The following TNFSF11 variants were observed in gnomAD, a reference collection of about 807,000 sequenced individuals.
TNFSF11 encodes TNF superfamily member 11.
A neutral mutation model predicts 32.2 loss-of-function variants in TNFSF11; 12 were observed. The observed-to-expected ratio is 0.37, with a 90% CI of 0.24 to 0.60. The LOEUF (loss-of-function observed/expected upper bound fraction) is 0.60, where lower values mean the gene tolerates loss of function less well. Among genes scored for constraint, TNFSF11 ranks in the 20% least tolerant of loss-of-function variants. TNFSF11 has a pLI of 0.66. For synonymous variants in TNFSF11, 172 were observed against 152.1 expected (o/e 1.13, Z -0.96); for missense variants, 345 against 398.0 (o/e 0.87, Z 1.13).
At chr13:42,592,824 G>A (rs1156750653) in intron 2 of TNFSF11, among the ~76,000 whole-genome samples, 1 of 152,246 alleles carries the variant, frequency 6.6e-6, no homozygotes, top group East Asian at 1.9e-4. Flanking sequence ...CATGAGATCT[G>A]ATGGTTTTAT....
intron 2 of TNFSF11, among the ~76,000 whole-genome samples, chr13:42,594,700 T>C (rs1868703125): frequency 6.6e-6 from 1 of 152,192 alleles, no homozygotes; most frequent in Admixed American, 6.5e-5. Context: ...CTCCTTAAGT[T>C]TGGCAAATAT....
At chr13:42,580,475 AT>A in intron 1 of TNFSF11, among the ~76,000 whole-genome samples, 1 of 152,278 alleles carries the variant, frequency 6.6e-6, no homozygotes, top group East Asian at 1.9e-4. Context: ...ACCTGCATCC[AT>A]TCCCAAACAC....
At chr13:42,593,183 T>C (rs372157419) in intron 2 of TNFSF11, among the ~76,000 whole-genome samples, 9 of 152,344 alleles carry the variant, frequency 5.9e-5, no homozygotes, top group African/African-American at 1.9e-4. Context: ...AGGATGCTTC[T>C]GTGACACCTG....
At chr13:42,580,402 A>G (rs772620594) in intron 1 of TNFSF11, among the ~76,000 whole-genome samples, 3 of 152,200 alleles carry the variant, frequency 2.0e-5, no homozygotes, top group East Asian at 1.9e-4. Context: ...GCATCCCTCC[A>G]GCACACGTCT....
intron 1 of TNFSF11, 111 bp downstream of exon 1, chr13:42,574,633 C>T (rs1873218847): frequency 1.5e-6 from 2 of 1,329,522 alleles, no homozygotes; most frequent in Middle Eastern, 2.5e-4. Flanking sequence ...TTGCATATTC[C>T]GGAAGGGAAA....
intron 2 of TNFSF11, among the ~76,000 whole-genome samples, chr13:42,589,271 C>G (rs560246899): frequency 6.6e-6 from 1 of 152,226 alleles, no homozygotes; most frequent in South Asian, 2.1e-4. Context: ...CACCTCTCCC[C>G]CATCCTGTGA....
At chr13:42,584,733 G>T (rs1323632459) in intron 2 of TNFSF11, among the ~76,000 whole-genome samples, 1 of 152,196 alleles carries the variant, frequency 6.6e-6, no homozygotes, top group African/African-American at 2.4e-5. Context: ...CTTATTAAGG[G>T]CACGTAGTCT....
upstream of TNFSF11, among the ~76,000 whole-genome samples, chr13:42,572,020 G>A (rs978083463): frequency 8.5e-5 from 13 of 152,326 alleles, no homozygotes; most frequent in East Asian, 2.5e-3. Flanking sequence ...TAGTTGGGGA[G>A]TGAATGTTGA....
chr13:42,581,482 G>A (rs1392184957), intron 2 of TNFSF11, among the ~76,000 whole-genome samples, 189 bp downstream of exon 2: 1 of 152,196 alleles, frequency 6.6e-6, no homozygotes, highest in Non-Finnish European at 1.5e-5. Flanking sequence ...ATGGCAATCA[G>A]GGACGTTCAT....
intron 2 of TNFSF11, among the ~76,000 whole-genome samples, chr13:42,594,865 T>G (rs1868710751): frequency 6.6e-6 from 1 of 152,178 alleles, no homozygotes; most frequent in Non-Finnish European, 1.5e-5. Flanking sequence ...CACAATCACA[T>G]TGATCTTTTG....
In TNFSF11 at chr13:42,582,422, C is replaced by CGA. The variant is rs74720660; in HGVS notation, c.387+1129_387+1130insGA. Among the ~76,000 whole-genome samples, 31 of 152,248 alleles carry CGA rather than the reference C, an allele frequency of 2.0e-4. No individual in the cohort carries two copies. The East Asian group carries it at 6.0e-3, about 29-fold the overall frequency. On this transcript the variant is annotated intron_variant, in intron 2 of 4. Transcript: ENST00000398795. ...TGAGATTTGCTGTATTTTATCGAAT[C>CGA]TAAGTTACCAATTTTCAGCCTACTT...
chr13:42,598,365 TAA>T lies in TNFSF11; in HGVS notation c.388-2385_388-2384del, dbSNP rs113886343. ...AATCTTTTAAGAGCCAGTAATCAAG[TAA>T]AGATATACTGTGTATATATAACCAT... On this transcript the variant is annotated intron_variant, in intron 2 of 4. Coordinates refer to ENST00000398795, the MANE Select transcript of TNFSF11 (RefSeq NM_003701.4). Among the ~76,000 whole-genome samples, 1,522 of 152,224 alleles carry T rather than the reference TAA, an allele frequency of 1.0e-2. 21 individuals carry two copies. The highest frequency in any genetic ancestry group is 0.034 in the African/African-American group (1,427 of 41,500).
upstream of TNFSF11, among the ~76,000 whole-genome samples, chr13:42,572,865 A>G (rs889399629): frequency 6.6e-6 from 1 of 152,188 alleles, no homozygotes; most frequent in Non-Finnish European, 1.5e-5. Context: ...ATTAGGCAGA[A>G]AGAGGATGCA....
At chr13:42,594,528 A>G (rs757798607) in intron 2 of TNFSF11, among the ~76,000 whole-genome samples, 5 of 152,226 alleles carry the variant, frequency 3.3e-5, no homozygotes, top group Non-Finnish European at 5.9e-5. Context: ...AGAGGGGCGT[A>G]TCCTTTGCTG....
chr13:42,598,471 G>A (rs1223651963), intron 2 of TNFSF11, among the ~76,000 whole-genome samples: 1 of 152,216 alleles, frequency 6.6e-6, no homozygotes, highest in Non-Finnish European at 1.5e-5. Context: ...GATGAACAGA[G>A]GAAGGTCTAT....
At chr13:42,584,462 C>T (rs1256171587) in intron 2 of TNFSF11, among the ~76,000 whole-genome samples, 1 of 152,190 alleles carries the variant, frequency 6.6e-6, no homozygotes, top group African/African-American at 2.4e-5. Flanking sequence ...TGTGGCTTCA[C>T]TGAACTTTTC....
At chr13:42,574,126 TA>T, upstream of TNFSF11, 1 of 758,248 alleles carries the variant, frequency 1.3e-6, no homozygotes. Flanking sequence ...AAGCGGTTTA[TA>T]AGAGTTGGGG....
chr13:42,593,206 T>C (rs188752531), intron 2 of TNFSF11, among the ~76,000 whole-genome samples: 1 of 152,298 alleles, frequency 6.6e-6, no homozygotes, highest in East Asian at 1.9e-4. Flanking sequence ...ATGCGGGAAA[T>C]TCCAAAGGCT....
chr13:42,595,956 C>G (rs41396049), intron 2 of TNFSF11, among the ~76,000 whole-genome samples: 2,172 of 152,174 alleles, frequency 0.014, 31 homozygotes, highest in Non-Finnish European at 0.023. Flanking sequence ...ATGTAGAGGA[C>G]TAATGTGGAT....
Sources: gnomAD v4.1 joint callset for allele counts (sites outside exome capture counted in the v4.1 genomes callset) on GRCh38, gnomAD v4.1.1 for gene constraint, MANE v1.5 for transcripts, NCBI Gene and HGNC (gene_info 2026-07-23, HGNC 2026-07-21) for gene names.